The following ARHGAP32 variants were observed in gnomAD, a reference collection of about 807,000 sequenced individuals.
ARHGAP32 encodes rho GTPase-activating protein 32.
In ARHGAP32, 51 loss-of-function variants were observed where a neutral mutation model predicts 186.5. The ratio of observed to expected loss-of-function variants is 0.27; its 90% CI spans 0.22 to 0.35. The LOEUF is 0.35. ARHGAP32 is among the 10% of genes least tolerant of loss of function. The pLI is 1.00. For synonymous variants in ARHGAP32, 950 were observed against 964.3 expected (o/e 0.99, Z 0.27); for missense variants, 2,186 against 2,623.5 (o/e 0.83, Z 3.64).
At chr11:129,052,971 G>A (rs955625766) in intron 10 of ARHGAP32, among the ~76,000 whole-genome samples, 10 of 151,988 alleles carry the variant, frequency 6.6e-5, no homozygotes, top group African/African-American at 2.2e-4. Context: ...AAGAACTACT[G>A]CCACAGCCAT....
chr11:129,211,774 T>C (rs1296860672), intron 1 of ARHGAP32, among the ~76,000 whole-genome samples: 1 of 152,116 alleles, frequency 6.6e-6, no homozygotes. Context: ...GAAAGAAAAA[T>C]GCATAAAAAT....
At position 128,974,524 on chromosome 11, in the gene ARHGAP32, T is replaced by C. The variant is rs1310645197; in HGVS notation, c.2673A>G (p.Ser891=). Residue 891 remains serine, a synonymous_variant, in exon 21 of 23, where the codon TCA becomes TCG. Transcript: ENST00000682385. ...TTTCAGTAAAGGAGGATGGCTTAGA[T>C]GATTTATCTTCAGTTGGGCTCAAGT... ...TLDLSPTEDK[S]SKPSSFTEKV... The C allele has an allele frequency of 6.2e-7, 1 of 1,614,172 alleles. No homozygotes were observed.
At chr11:128,980,810 G>C (rs1272847087) in intron 17 of ARHGAP32, 62 bp from the exon 18 acceptor site, 1 of 1,249,042 alleles carries the variant, frequency 8.0e-7, no homozygotes, top group Non-Finnish European at 1.1e-6. Flanking sequence ...CAATTTGTTA[G>C]TATCTATCTC....
At position 129,192,131 on chromosome 11, in the gene ARHGAP32, A is replaced by T. The variant is rs748226679; in HGVS notation, c.68T>A (p.Ile23Lys). ...DSVFWLESEV[I>K]IQVTDCEEEE... ...CTCTTCACAGTCAGTCACCTGGATT[A>T]TAACTTCAGACTCCAACCAGAAGAC... Residue 23 changes from isoleucine to lysine, a missense_variant, in exon 1 of 23, where the codon ATA becomes AAA. Transcript: ENST00000682385. The T allele has an allele frequency of 2.5e-6, 4 of 1,613,904 alleles. No individual in the cohort carries two copies. The highest frequency in any genetic ancestry group is 2.5e-6 in the Non-Finnish European group (3 of 1,179,830).
At chr11:129,266,949 AGGC>A (rs1945408870) in intron 1 of ARHGAP32, among the ~76,000 whole-genome samples, 1 of 152,180 alleles carries the variant, frequency 6.6e-6, no homozygotes, top group Non-Finnish European at 1.5e-5. Flanking sequence ...TTACAACCCT[AGGC>A]CAAAGAATGG....
intron 10 of ARHGAP32, among the ~76,000 whole-genome samples, chr11:129,042,692 A>G (rs1030613891): frequency 1.3e-5 from 2 of 152,246 alleles, no homozygotes; most frequent in African/African-American, 4.8e-5. Flanking sequence ...AAATGTATAC[A>G]AAAATGCATT....
chr11:128,986,575 G>T lies in ARHGAP32; in HGVS notation c.1392C>A (p.Phe464Leu). The change falls in exon 14 of 23, where the codon TTC (phenylalanine) becomes TTA (leucine). Residue 464 changes from phenylalanine to leucine, a missense_variant. This residue lies in a region of ARHGAP32 where 308 missense variants were observed against 596.5 expected (regional missense o/e 0.52). Transcript: ENST00000682385. ...TAAGCAGAGGGTTTGGGAGTTCCCG[G>T]AAGTACAGCTTACATAGGGAACCCA... Reference protein sequence around the residue: ...HSVGSLCKLYFRELPNPLLTY... With the variant: ...HSVGSLCKLYLRELPNPLLTY... 1 of 1,614,116 alleles carries T rather than the reference G, an allele frequency of 6.2e-7. No homozygotes were observed. Among genetic ancestry groups the T allele is most frequent in the South Asian group, 1.1e-5 (1 of 91,080 alleles).
chr11:129,008,299 T>A (rs142390760), intron 11 of ARHGAP32, among the ~76,000 whole-genome samples: 14 of 152,304 alleles, frequency 9.2e-5, no homozygotes, highest in African/African-American at 3.4e-4. Flanking sequence ...TTTGGCCATC[T>A]TCCTTTGCCC....
At chr11:129,252,342 G>A (rs1441592200) in intron 1 of ARHGAP32, among the ~76,000 whole-genome samples, 1 of 152,168 alleles carries the variant, frequency 6.6e-6, no homozygotes, top group Non-Finnish European at 1.5e-5. Flanking sequence ...TGTGCTAACT[G>A]TACTGTTTTC....
intron 1 of ARHGAP32, among the ~76,000 whole-genome samples, chr11:129,179,768 G>C (rs1243975367): frequency 1.3e-5 from 2 of 151,618 alleles, no homozygotes; most frequent in Admixed American, 1.3e-4. Flanking sequence ...CATAGGAAGG[G>C]GAACATCACA....
chr11:129,202,332 G>C (rs549105948), intron 1 of ARHGAP32, among the ~76,000 whole-genome samples: 3 of 152,002 alleles, frequency 2.0e-5, no homozygotes, highest in Non-Finnish European at 4.4e-5. Flanking sequence ...GGTGGATGCT[G>C]TTTTTCTACC....
chr11:128,969,500 A>T lies in ARHGAP32; in HGVS notation c.5713T>A (p.Ser1905Thr). 5.6e-6 allele frequency: 9 copies of T among 1,613,804 alleles called. No homozygotes were observed. Among genetic ancestry groups the T allele is most frequent in the Non-Finnish European group, 7.6e-6 (9 of 1,179,942 alleles). The part of the protein sequence containing the change: ...QEASHRQFCE[S>T]KNGPPYPQGA... ...TGGGGATAAGGGGGCCCATTCTTTGACTCACAGAACTGCCTATGGCTTGCT... is the reference window on the plus strand; with the variant it reads ...TGGGGATAAGGGGGCCCATTCTTTGTCTCACAGAACTGCCTATGGCTTGCT... The change falls in exon 23 of 23, where the codon TCA becomes ACA. Residue 1905 changes from serine to threonine, a missense_variant. Around this residue, in one of 5 missense-constraint regions of ARHGAP32, gnomAD observed 1,502 missense variants for 1,570.0 expected, o/e 0.96. Transcript: ENST00000682385. The surrounding 1 kb of genome is among the most constrained non-coding windows in gnomAD (Gnocchi z 4.8).
intron 5 of ARHGAP32, among the ~76,000 whole-genome samples, chr11:129,106,683 A>C (rs1231827100): frequency 2.6e-5 from 4 of 152,228 alleles, no homozygotes; most frequent in Non-Finnish European, 2.9e-5. Flanking sequence ...CTAATATAAA[A>C]GTTGAAAAAG....
At chr11:129,028,773 C>A (rs1938972500) in intron 11 of ARHGAP32, among the ~76,000 whole-genome samples, 2 of 152,050 alleles carry the variant, frequency 1.3e-5, no homozygotes, top group Admixed American at 6.5e-5. Flanking sequence ...AGAGGTGGGT[C>A]AGGGAAGCTT....
intron 6 of ARHGAP32, among the ~76,000 whole-genome samples, chr11:129,078,099 G>A (rs1303191587): frequency 1.3e-5 from 2 of 152,142 alleles, no homozygotes; most frequent in African/African-American, 4.8e-5. Flanking sequence ...TGGGGCAGGT[G>A]CTGGCATCCA....
In ARHGAP32 at chr11:129,123,557, C is replaced by G. The variant is rs371975797; in HGVS notation, c.360-27G>C. The stretch of plus-strand genomic sequence containing the variant: ...TGAAACACATGAAATAAATAAGAAA[C>G]GAGATAGTGAAACAGTAAAAATTAC... On this transcript the variant is annotated intron_variant, in intron 4 of 22. Coordinates refer to ENST00000682385, the MANE Select transcript of ARHGAP32 (RefSeq NM_001378024.1). This position sits in a 1 kb window ranked among gnomAD's most constrained non-coding sequence, Gnocchi z 4.6. The G allele has an allele frequency of 1.9e-6, 3 of 1,583,246 alleles. No homozygotes were observed. In the African/African-American group the frequency reaches 4.0e-5, roughly 21 times the overall value.
At chr11:129,083,229 A>C (rs2135228887) in intron 6 of ARHGAP32, among the ~76,000 whole-genome samples, 1 of 152,334 alleles carries the variant, frequency 6.6e-6, no homozygotes, top group East Asian at 1.9e-4. Context: ...CAATCCCACT[A>C]CTGGGTATCT....
At chr11:129,050,941 G>A (rs529073316) in intron 10 of ARHGAP32, among the ~76,000 whole-genome samples, 2 of 152,076 alleles carry the variant, frequency 1.3e-5, no homozygotes, top group African/African-American at 2.4e-5. Context: ...GGTTTCCAGC[G>A]TCATCCATGT....
intron 1 of ARHGAP32, among the ~76,000 whole-genome samples, chr11:129,227,030 A>G (rs1188183322): frequency 3.9e-5 from 6 of 152,092 alleles, no homozygotes; most frequent in Non-Finnish European, 7.4e-5. Flanking sequence ...ACCTAATTTA[A>G]AAGACTGTTG....
Sources: gnomAD v4.1 joint callset for allele counts (sites outside exome capture counted in the v4.1 genomes callset) on GRCh38, gnomAD v4.1.1 for gene constraint, gnomAD v4.1.1 regional missense constraint, Gnocchi (gnomAD v3.1) non-coding constraint, MANE v1.5 for transcripts, NCBI Gene and HGNC (gene_info 2026-07-23, HGNC 2026-07-21) for gene names.